ALK: variants seen among roughly 807,000 people sequenced by gnomAD.
The protein encoded by ALK is ALK tyrosine kinase receptor.
In ALK, 74 loss-of-function variants were observed where a neutral mutation model predicts 163.1. The observed-to-expected ratio is 0.45, with a 90% confidence interval of 0.38 to 0.55. ALK has a LOEUF of 0.55. Among genes scored for constraint, ALK ranks in the 20% least tolerant of loss-of-function variants. The probability of loss-of-function intolerance (pLI) is 0.00; values close to 1 mark genes in which losing one functional copy is unlikely to be tolerated. For synonymous variants in ALK, 960 were observed against 843.2 expected, an observed-to-expected ratio of 1.14 and a Z score of -2.40; for missense variants, 2,063 against 2,105.3, an observed-to-expected ratio of 0.98 and a Z score of 0.39.
intron 4 of ALK, among the ~76,000 whole-genome samples, chr2:29,385,002 G>A (rs1464046339): frequency 6.6e-6 from 1 of 151,910 alleles, no homozygotes; most frequent in Non-Finnish European, 1.5e-5. Flanking sequence ...AGTGAGCAGA[G>A]ATCGCCACTG....
At chr2:29,916,932 T>C (rs973961629) in intron 1 of ALK, among the ~76,000 whole-genome samples, 1 of 152,188 alleles carries the variant, frequency 6.6e-6, no homozygotes, top group African/African-American at 2.4e-5. Context: ...CTCTTCTCCA[T>C]GAATGGGTGA....
intron 23 of ALK, among the ~76,000 whole-genome samples, chr2:29,215,553 G>C (rs943947787): frequency 6.6e-6 from 1 of 152,192 alleles, no homozygotes; most frequent in African/African-American, 2.4e-5. Context: ...GAGGCTACCT[G>C]ACTCACCCCA....
intron 4 of ALK, among the ~76,000 whole-genome samples, chr2:29,486,922 A>C (rs978243790): frequency 1.3e-5 from 2 of 152,234 alleles, no homozygotes; most frequent in Non-Finnish European, 2.9e-5. Context: ...AATAAAGCTT[A>C]AGTCAACTGC....
intron 4 of ALK, among the ~76,000 whole-genome samples, chr2:29,506,001 C>A (rs2148135766): frequency 6.6e-6 from 1 of 152,296 alleles, no homozygotes; most frequent in East Asian, 1.9e-4. Context: ...GCGGCTAGCT[C>A]TTCCAGAGCC....
rs757277369 is a variant in ALK, at chr2:29,227,094, G to C, written c.2915-20C>G. 1.2e-6 allele frequency: 2 copies of C among 1,613,878 alleles called. No homozygotes were observed. The highest frequency in any genetic ancestry group is 1.7e-6 in the Non-Finnish European group (2 of 1,180,008). ...CCATCACTAGTGACAAGGAGGGAGG[G>C]TCAGTCTTGGGCCGAGCCTGCCTCC... On this transcript the variant is annotated intron_variant, in intron 17 of 28. Transcript: ENST00000389048. The surrounding 1 kb of genome is among the most constrained non-coding windows in gnomAD (Gnocchi z 4.4).
At chr2:29,297,591 C>A (rs1345523646) in intron 8 of ALK, among the ~76,000 whole-genome samples, 1 of 152,180 alleles carries the variant, frequency 6.6e-6, no homozygotes, top group Non-Finnish European at 1.5e-5. Flanking sequence ...TGACTTGACA[C>A]CTGTGGCCAC....
chr2:29,707,737 AAG>A (rs899586608), intron 2 of ALK, among the ~76,000 whole-genome samples: 1 of 152,254 alleles, frequency 6.6e-6, no homozygotes, highest in Non-Finnish European at 1.5e-5. Flanking sequence ...AGGGACTTAA[AAG>A]AGTTTTAAGC....
At chr2:29,616,456 GATTTACA>G (rs1413465760) in intron 3 of ALK, among the ~76,000 whole-genome samples, 1 of 152,208 alleles carries the variant, frequency 6.6e-6, no homozygotes, top group African/African-American at 2.4e-5. Context: ...GAGGAAGGAA[GATTTACA>G]ATTTGAGAAT....
intron 5 of ALK, among the ~76,000 whole-genome samples, chr2:29,330,827 A>C (rs900001929): frequency 6.6e-5 from 10 of 152,192 alleles, no homozygotes; most frequent in Non-Finnish European, 1.0e-4. Flanking sequence ...GGGTGCTGGC[A>C]GCCTCTGAAA....
Position 29,193,282 on chromosome 2 carries a change from C to G in ALK, c.4805G>C (p.Gly1602Ala), listed in dbSNP as rs2148137051. ...TTTCAGAATGGTATCCTCGTAATGA[C>G]CAGCTCCAGGGGCAGTAGCGGCTTC... ...PLEAATAPGA[G>A]HYEDTILKSK... Residue 1602 changes from glycine to alanine, a missense_variant, in exon 29 of 29, where the codon GGT (glycine) becomes GCT (alanine). Around this residue, in one of 5 missense-constraint regions of ALK, gnomAD observed 403 missense variants for 366.2 expected, o/e 1.10. Transcript: ENST00000389048. 7 of 1,614,180 alleles carry G rather than the reference C, an allele frequency of 4.3e-6. No homozygotes were observed. The highest frequency in any genetic ancestry group is 5.9e-6 in the Non-Finnish European group (7 of 1,180,024).
intron 5 of ALK, among the ~76,000 whole-genome samples, chr2:29,369,058 A>C (rs1668578335): frequency 6.6e-6 from 1 of 152,204 alleles, no homozygotes; most frequent in African/African-American, 2.4e-5. Flanking sequence ...CCTGCTTTCC[A>C]GTGTCTTCCC....
intron 1 of ALK, among the ~76,000 whole-genome samples, chr2:29,913,762 C>T (rs569379366): frequency 1.5e-4 from 23 of 152,244 alleles, no homozygotes; most frequent in Non-Finnish European, 2.9e-4. Context: ...CTGGGTTATA[C>T]GTCTCCAGGG....
intron 8 of ALK, among the ~76,000 whole-genome samples, chr2:29,304,215 T>C (rs1666443042): frequency 6.6e-6 from 1 of 152,186 alleles, no homozygotes. Context: ...ATGCAGAATC[T>C]GGCTGGGCGC....
chr2:29,909,219 A>C (rs901501873), intron 1 of ALK, among the ~76,000 whole-genome samples: 1 of 152,262 alleles, frequency 6.6e-6, no homozygotes, highest in Non-Finnish European at 1.5e-5. Flanking sequence ...AAACTGTGGA[A>C]TAATCAGCAA....
At chr2:29,846,911 C>G (rs376441046) in intron 1 of ALK, among the ~76,000 whole-genome samples, 13 of 152,228 alleles carry the variant, frequency 8.5e-5, no homozygotes, top group Middle Eastern at 6.8e-3. Context: ...TTATTTGGCC[C>G]GCACCTATAA....
intron 1 of ALK, among the ~76,000 whole-genome samples, chr2:29,819,008 G>C (rs1664971409): frequency 6.6e-6 from 1 of 152,182 alleles, no homozygotes; most frequent in Admixed American, 6.5e-5. Context: ...AGCCAGAGTG[G>C]AGAAATACTG....
At chr2:29,893,639 CCCTGGTATACAAT>C (rs1200538897) in intron 1 of ALK, among the ~76,000 whole-genome samples, 1 of 152,112 alleles carries the variant, frequency 6.6e-6, no homozygotes, top group East Asian at 1.9e-4. Flanking sequence ...GGTCTGAATT[CCCTGGTATACAAT>C]CCTGCCTCTA....
chr2:29,809,831 TG>T (rs1664707264), intron 1 of ALK, among the ~76,000 whole-genome samples: 1 of 152,204 alleles, frequency 6.6e-6, no homozygotes, highest in Non-Finnish European at 1.5e-5. Flanking sequence ...CACAGGGAAG[TG>T]GCTGCTGGAT....
At chr2:29,360,734 C>T (rs1668366852) in intron 5 of ALK, among the ~76,000 whole-genome samples, 1 of 152,064 alleles carries the variant, frequency 6.6e-6, no homozygotes, top group Non-Finnish European at 1.5e-5. Flanking sequence ...AAAATAAAAG[C>T]CCACAGACAT....
Sources: allele counts gnomAD v4.1 joint callset (sites outside exome capture counted in the v4.1 genomes callset), GRCh38; gene constraint gnomAD v4.1.1; regional missense constraint gnomAD v4.1.1; non-coding constraint Gnocchi (gnomAD v3.1); transcripts MANE v1.5; gene names NCBI Gene and HGNC (gene_info 2026-07-23, HGNC 2026-07-21).